UBAC2: variants seen among roughly 807,000 people sequenced by gnomAD.
UBAC2 encodes the protein UBA domain containing 2, also known as ubiquitin-associated domain-containing protein 2.
UBAC2 carries 26 observed loss-of-function variants against 44.0 expected under a neutral mutation model. The observed-to-expected ratio is 0.59, with a 90% CI of 0.43 to 0.82. UBAC2 has a LOEUF of 0.82. Among genes scored for constraint, UBAC2 ranks in the 40% least tolerant of loss-of-function variants. UBAC2 has a pLI of 0.00. For missense variants in UBAC2, 329 were observed against 419.4 expected (o/e 0.78, Z 1.88); for synonymous variants, 155 against 154.3 (o/e 1.00, Z -0.04).
At chr13:99,333,561 A>G (rs182374260) in intron 6 of UBAC2, among the ~76,000 whole-genome samples, 1 of 152,254 alleles carries the variant, frequency 6.6e-6, no homozygotes, top group Non-Finnish European at 1.5e-5. Flanking sequence ...AGTAGTGATC[A>G]AAAGCAACCC....
intron 7 of UBAC2, chr13:99,351,807 CTTCTT>C (rs778188669): frequency 1.1e-5 from 5 of 456,034 alleles, no homozygotes; most frequent in Admixed American, 9.4e-5. Flanking sequence ...CCTTGGTGCT[CTTCTT>C]TTAACTGCCT....
In UBAC2 at chr13:99,273,278, G is replaced by T. The variant is rs1375856029; in HGVS notation, c.389+28654G>T. Among the ~76,000 whole-genome samples, 8 of 152,132 alleles carry T rather than the reference G, an allele frequency of 5.3e-5. No homozygotes were observed. The South Asian group carries it at 1.7e-3, about 32-fold the overall frequency. On this transcript the variant is annotated intron_variant, in intron 4 of 8. Coordinates refer to ENST00000403766, the MANE Select transcript of UBAC2 (RefSeq NM_001144072.2). Reference sequence around the variant, plus strand: ...GTTGCCTAGTGATTTTGGCCTCTTAGCTCATGTTTCCCTGAAAGGTGTTAA... The same window carrying T: ...GTTGCCTAGTGATTTTGGCCTCTTATCTCATGTTTCCCTGAAAGGTGTTAA...
intron 1 of UBAC2, among the ~76,000 whole-genome samples, chr13:99,209,955 G>A (rs1292661753): frequency 6.6e-6 from 1 of 152,162 alleles, no homozygotes; most frequent in Non-Finnish European, 1.5e-5. Flanking sequence ...CTCCAGCCTG[G>A]GTGCGAGACT....
chr13:99,203,278 C>T (rs2042828474), intron 1 of UBAC2, among the ~76,000 whole-genome samples: 1 of 152,120 alleles, frequency 6.6e-6, no homozygotes, highest in Admixed American at 6.5e-5. Flanking sequence ...TCAAGTGGTC[C>T]TCCCGCCTCG....
chr13:99,294,993 T>C, intron 4 of UBAC2: 1 of 1,506,918 alleles, frequency 6.6e-7, no homozygotes, highest in Non-Finnish European at 8.9e-7. Context: ...TTATTTTGCT[T>C]TATAAGGGAA....
chr13:99,201,646 A>T (rs994955581), intron 1 of UBAC2: 9 of 1,511,316 alleles, frequency 6.0e-6, no homozygotes, highest in Non-Finnish European at 7.2e-6. Flanking sequence ...GGTAAGGTAG[A>T]CTGCGTGTTA....
chr13:99,367,196 A>G (rs1400238150), intron 7 of UBAC2, among the ~76,000 whole-genome samples: 1 of 151,960 alleles, frequency 6.6e-6, no homozygotes, highest in African/African-American at 2.4e-5. Flanking sequence ...CTCACTTCTC[A>G]CCTTTTTGCT....
At position 99,238,546 on chromosome 13, in the gene UBAC2, G is replaced by A. The variant is rs1353090158; in HGVS notation, c.151G>A (p.Asp51Asn). ...GTATGACCTTCACGCAGTCAAGAAC[G>A]ACTTCCAGGTAAGCTCTGCCTCATT... ...FVYDLHAVKN[D>N]FQIWRLICGR... Residue 51 changes from aspartate to asparagine, a missense_variant, in exon 2 of 9, where the codon GAC (aspartate) becomes AAC (asparagine). Coordinates refer to ENST00000403766, the MANE Select transcript of UBAC2 (RefSeq NM_001144072.2). The A allele has an allele frequency of 6.8e-6, 11 of 1,606,434 alleles. No homozygotes were observed. The highest frequency in any genetic ancestry group is 1.7e-4 in the Middle Eastern group (1 of 6,042).
rs2044633188 is a variant in UBAC2 at position 99,325,729 on chromosome 13, ACT to A, written c.561+7665_561+7666del. ...CCCAGCCCCTAGCAACCACCATTTT[ACT>A]CTCTGATTCTGTGAAATTGACTATC... On this transcript the variant is annotated intron_variant, in intron 6 of 8. Coordinates refer to ENST00000403766, the MANE Select transcript of UBAC2 (RefSeq NM_001144072.2). Among the ~76,000 whole-genome samples the A allele has an allele frequency of 2.0e-5, 3 of 151,768 alleles. No individual in the cohort carries two copies. In the South Asian group the frequency reaches 6.2e-4, roughly 32 times the overall value.
rs185986500 is a variant in UBAC2 at position 99,337,120 on chromosome 13, C to T, written c.562-3200C>T. Among the ~76,000 whole-genome samples the T allele has an allele frequency of 1.0e-3, 156 of 152,314 alleles. 1 individual carries two copies. The highest frequency in any genetic ancestry group is 2.6e-3 in the Admixed American group (40 of 15,302). On this transcript the variant is annotated intron_variant, in intron 6 of 8. Coordinates refer to ENST00000403766, the MANE Select transcript of UBAC2 (RefSeq NM_001144072.2). The stretch of plus-strand genomic sequence containing the variant: ...TTTGGGTCTGGCTTCTTTCTCCCAA[C>T]ATGGTGTTTTTAAAATGCAAACCTT...
intron 6 of UBAC2, among the ~76,000 whole-genome samples, chr13:99,328,322 T>C (rs192867539): frequency 1.6e-4 from 24 of 152,358 alleles, no homozygotes; most frequent in Middle Eastern, 3.4e-3. Context: ...TGAACATCTG[T>C]GTACACATTT....
chr13:99,202,048 G>C (rs980893584), intron 1 of UBAC2, among the ~76,000 whole-genome samples: 16 of 147,280 alleles, frequency 1.1e-4, no homozygotes, highest in Non-Finnish European at 2.1e-4. Context: ...ACTTTGGCCT[G>C]GGCGACAAAG....
intron 4 of UBAC2, among the ~76,000 whole-genome samples, chr13:99,312,021 G>C (rs1220897244): frequency 6.6e-6 from 1 of 152,364 alleles, no homozygotes; most frequent in East Asian, 1.9e-4. Context: ...CCTGCACTTA[G>C]GCCTTACTGG....
At chr13:99,220,253 A>G (rs974136388) in intron 1 of UBAC2, among the ~76,000 whole-genome samples, 1 of 152,210 alleles carries the variant, frequency 6.6e-6, no homozygotes, top group Admixed American at 6.5e-5. Flanking sequence ...CAGCCCCTCT[A>G]CTAACTAGCT....
chr13:99,205,474 C>T lies in UBAC2; in HGVS notation c.31+4535C>T, dbSNP rs566565576. Among the ~76,000 whole-genome samples, 61 of 152,326 alleles carry T rather than the reference C, an allele frequency of 4.0e-4. 1 individual carries two copies. Among genetic ancestry groups the T allele is most frequent in the African/African-American group, 1.5e-3 (61 of 41,582 alleles). The stretch of plus-strand genomic sequence containing the variant: ...ATCACGGTGTTTTCTGAATGTACAC[C>T]TTCCTGGGTCTCCTCCCCAGAGGGT... On this transcript the variant is annotated intron_variant, in intron 1 of 8. Coordinates refer to ENST00000403766, the MANE Select transcript of UBAC2 (RefSeq NM_001144072.2).
In UBAC2 at chr13:99,296,201, A is replaced by G. The variant is rs540539335; in HGVS notation, c.390-17896A>G. On this transcript the variant is annotated intron_variant, in intron 4 of 8. Coordinates refer to ENST00000403766, the MANE Select transcript of UBAC2 (RefSeq NM_001144072.2). ...CAAGAAGGATCATATAAGTAAAAGC[A>G]TATGTATTCAGTTTGATTACTCATT... 5 of 1,486,218 alleles carry G rather than the reference A, an allele frequency of 3.4e-6. No individual in the cohort carries two copies. The South Asian group carries it at 5.5e-5, about 16-fold the overall frequency. 92.1% of individuals were successfully genotyped at this position (1,486,218 alleles called of 1,614,324 possible). A position where few individuals can be genotyped will look rare whatever the true frequency, so the allele number is the denominator to read the frequency against.
chr13:99,294,811 G>C (rs1364203690), intron 4 of UBAC2: 1 of 333,230 alleles, frequency 3.0e-6, no homozygotes, highest in Non-Finnish European at 5.4e-6. Flanking sequence ...GTTATTAAGA[G>C]CGCCTCCTTT....
chr13:99,320,092 C>G (rs1348738716), intron 6 of UBAC2, among the ~76,000 whole-genome samples: 1 of 152,126 alleles, frequency 6.6e-6, no homozygotes, highest in Non-Finnish European at 1.5e-5. Context: ...TTATGTGACT[C>G]AGTTTTTTAA....
At chr13:99,245,628 G>T (rs897269760) in intron 4 of UBAC2, among the ~76,000 whole-genome samples, 9 of 152,212 alleles carry the variant, frequency 5.9e-5, no homozygotes, top group African/African-American at 2.2e-4. Flanking sequence ...GGATCACGAG[G>T]TCAGGAGTTC....
Sources: gnomAD v4.1 joint callset for allele counts (sites outside exome capture counted in the v4.1 genomes callset) on GRCh38, gnomAD v4.1.1 for gene constraint, MANE v1.5 for transcripts, NCBI Gene and HGNC (gene_info 2026-07-23, HGNC 2026-07-21) for gene names.